The following XKR4 variants were observed in gnomAD, a reference collection of about 807,000 sequenced individuals.
XKR4 encodes the protein XK related 4.
XKR4 carries 12 observed loss-of-function variants against 53.9 expected under a neutral mutation model. That is an observed-to-expected ratio of 0.22 (90% CI 0.14 to 0.36). The LOEUF (loss-of-function observed/expected upper bound fraction) is 0.36, where lower values mean the gene tolerates loss of function less well. Ranked by LOEUF, XKR4 falls within the 10% of genes least tolerant of loss-of-function variation. The probability of loss-of-function intolerance (pLI) is 1.00; values close to 1 mark genes in which losing one functional copy is unlikely to be tolerated. For synonymous variants in XKR4, 354 were observed against 362.4 expected, an observed-to-expected ratio of 0.98 and a Z score of 0.26; for missense variants, 799 against 859.5, an observed-to-expected ratio of 0.93 and a Z score of 0.88.
intron 1 of XKR4, among the ~76,000 whole-genome samples, chr8:55,239,206 A>G (rs1319150293): frequency 6.6e-6 from 1 of 152,198 alleles, no homozygotes; most frequent in African/African-American, 2.4e-5. Flanking sequence ...CCTGGAAAAC[A>G]CTATTAGCTT....
chr8:55,424,555 C>T (rs1179074078), intron 2 of XKR4, among the ~76,000 whole-genome samples: 1 of 152,314 alleles, frequency 6.6e-6, no homozygotes, highest in Non-Finnish European at 1.5e-5. Context: ...AAATATCAAC[C>T]TGTCAGGCAC....
At chr8:55,289,697 G>GAA (rs1209274885) in intron 1 of XKR4, among the ~76,000 whole-genome samples, 1 of 109,412 alleles carries the variant, frequency 9.1e-6, no homozygotes, top group Non-Finnish European at 2.0e-5. Flanking sequence ...GAAAGAAAGA[G>GAA]AAAGAAAGAA....
chr8:55,496,039 C>T (rs1481869300), intron 2 of XKR4, among the ~76,000 whole-genome samples: 2 of 152,218 alleles, frequency 1.3e-5, no homozygotes, highest in Non-Finnish European at 2.9e-5. Context: ...GAAATTAATT[C>T]AGTCATTCAG....
At chr8:55,243,743 G>T (rs1585962775) in intron 1 of XKR4, among the ~76,000 whole-genome samples, 1 of 152,252 alleles carries the variant, frequency 6.6e-6, no homozygotes, top group East Asian at 1.9e-4. Flanking sequence ...ATTCTGTAAG[G>T]CTCTAGAGAG....
At chr8:55,118,984 A>G (rs140278872) in intron 1 of XKR4, among the ~76,000 whole-genome samples, 145 of 152,162 alleles carry the variant, frequency 9.5e-4, no homozygotes, top group African/African-American at 3.3e-3. Flanking sequence ...TATACATGTG[A>G]TCATGTAGTT....
At chr8:55,235,975 T>C (rs1044369241) in intron 1 of XKR4, among the ~76,000 whole-genome samples, 2 of 152,196 alleles carry the variant, frequency 1.3e-5, no homozygotes, top group Admixed American at 1.3e-4. Context: ...ATTAAATTGT[T>C]CAGAGGTGTC....
intron 1 of XKR4, among the ~76,000 whole-genome samples, chr8:55,115,946 A>T (rs1237568914): frequency 6.6e-6 from 1 of 152,174 alleles, no homozygotes; most frequent in Non-Finnish European, 1.5e-5. Context: ...GGAGGTGGTG[A>T]GAGAGGGACC....
chr8:55,369,492 AAG>A (rs1372602915), intron 2 of XKR4, among the ~76,000 whole-genome samples: 1 of 137,632 alleles, frequency 7.3e-6, no homozygotes, highest in Non-Finnish European at 1.6e-5. Context: ...GAGAGAGAGA[AAG>A]AAAAGAAAAG....
At chr8:55,362,836 C>T (rs977180826) in intron 2 of XKR4, among the ~76,000 whole-genome samples, 1 of 152,220 alleles carries the variant, frequency 6.6e-6, no homozygotes, top group African/African-American at 2.4e-5. Flanking sequence ...TACAGCCTTG[C>T]TGTATCAGAG....
intron 1 of XKR4, among the ~76,000 whole-genome samples, chr8:55,240,682 T>C (rs530751717): frequency 6.6e-5 from 10 of 152,270 alleles, no homozygotes; most frequent in African/African-American, 2.4e-4. Flanking sequence ...GGCAAGGGAA[T>C]AGCCTCACAT....
chr8:55,508,293 G>A (rs1806576022), intron 2 of XKR4, among the ~76,000 whole-genome samples: 1 of 152,060 alleles, frequency 6.6e-6, no homozygotes, highest in Admixed American at 6.5e-5. Context: ...CCCTGATCCA[G>A]GTCATTTGTA....
chr8:55,429,614 C>T (rs1391241162), intron 2 of XKR4, among the ~76,000 whole-genome samples: 2 of 151,830 alleles, frequency 1.3e-5, no homozygotes, highest in African/African-American at 4.8e-5. Context: ...ACTCTGGAGG[C>T]TAAGCTAGTG....
intron 1 of XKR4, among the ~76,000 whole-genome samples, chr8:55,347,373 G>A (rs1803664490): frequency 6.6e-6 from 1 of 152,146 alleles, no homozygotes; most frequent in Non-Finnish European, 1.5e-5. Context: ...TTACATATAG[G>A]TGTCCGTGTG....
At chr8:55,380,510 C>T (rs1223564658) in intron 2 of XKR4, among the ~76,000 whole-genome samples, 1 of 152,228 alleles carries the variant, frequency 6.6e-6, no homozygotes, top group East Asian at 1.9e-4. Context: ...CTTATGCAGA[C>T]ATTGAGACAA....
At chr8:55,184,449 C>T (rs1421595723) in intron 1 of XKR4, among the ~76,000 whole-genome samples, 1 of 152,188 alleles carries the variant, frequency 6.6e-6, no homozygotes, top group Non-Finnish European at 1.5e-5. Context: ...CCTTTTGCTT[C>T]TCTTGTTGTA....
intron 2 of XKR4, chr8:55,454,641 G>A (rs1462467633): frequency 2.8e-6 from 3 of 1,086,834 alleles, no homozygotes; most frequent in Non-Finnish European, 4.2e-6. Context: ...CCAGGGGCAC[G>A]GTGCACGTCA....
intron 2 of XKR4, among the ~76,000 whole-genome samples, chr8:55,516,114 G>C (rs1389441564): frequency 6.6e-6 from 1 of 152,172 alleles, no homozygotes; most frequent in African/African-American, 2.4e-5. Context: ...CACTTATATT[G>C]CACAAAGGCT....
intron 1 of XKR4, among the ~76,000 whole-genome samples, chr8:55,340,038 TA>T (rs1803518714): frequency 6.6e-6 from 1 of 152,210 alleles, no homozygotes; most frequent in South Asian, 2.1e-4. Context: ...TGGTTCAAAT[TA>T]TATCCTAAAA....
intron 2 of XKR4, among the ~76,000 whole-genome samples, chr8:55,409,641 T>C (rs1021683139): frequency 3.0e-4 from 45 of 152,280 alleles, no homozygotes; most frequent in African/African-American, 1.1e-3. Context: ...TTGATTTGCC[T>C]GTCCTAAAAT....
Sources: allele counts gnomAD v4.1 joint callset (sites outside exome capture counted in the v4.1 genomes callset), GRCh38; gene constraint gnomAD v4.1.1; transcripts MANE v1.5; gene names NCBI Gene and HGNC (gene_info 2026-07-23, HGNC 2026-07-21).